The following TRPC7 variants were observed in gnomAD, a reference collection of about 807,000 sequenced individuals.
TRPC7 encodes the protein transient receptor potential cation channel subfamily C member 7.
TRPC7 carries 42 observed loss-of-function variants against 90.1 expected under a neutral mutation model. The ratio of observed to expected loss-of-function variants is 0.47; its 90% CI spans 0.36 to 0.60. The LOEUF (loss-of-function observed/expected upper bound fraction) is 0.60. TRPC7 is among the 20% of genes least tolerant of loss of function. The probability of loss-of-function intolerance (pLI) is 0.00; values close to 1 mark genes in which losing one functional copy is unlikely to be tolerated. For missense variants in TRPC7, 955 were observed against 1,112.3 expected, an observed-to-expected ratio of 0.86 and a Z score of 2.01; for synonymous variants, 451 against 436.3, an observed-to-expected ratio of 1.03 and a Z score of -0.42.
At chr5:136,216,333 G>A in intron 10 of TRPC7, 58 bp from the exon 11 acceptor site, 1 of 1,378,456 alleles carries the variant, frequency 7.3e-7, no homozygotes, top group Non-Finnish European at 1.0e-6. Flanking sequence ...GAGGCAGCCT[G>A]CGTGGTGTAG....
rs150178503 is a variant in TRPC7 at position 136,284,219 on chromosome 5, C to T, written c.964-9382G>A. On this transcript the variant is annotated intron_variant, in intron 3 of 11. Coordinates refer to ENST00000513104, the MANE Select transcript of TRPC7 (RefSeq NM_020389.3). ...GAGGATATGAATATTCAGCATTCAA[C>T]GGTAAGGTACCCTGGGCACTTGTGT... Among the ~76,000 whole-genome samples, 210 of 152,328 alleles carry T rather than the reference C, an allele frequency of 1.4e-3. 3 individuals carry two copies. Among genetic ancestry groups the T allele is most frequent in the African/African-American group, 4.5e-3 (188 of 41,578 alleles).
intron 5 of TRPC7, among the ~76,000 whole-genome samples, chr5:136,256,048 T>C (rs1160928664): frequency 1.3e-5 from 2 of 152,192 alleles, no homozygotes; most frequent in Non-Finnish European, 2.9e-5. Context: ...ACCTGTATAT[T>C]TAGAGGGATT....
intron 5 of TRPC7, among the ~76,000 whole-genome samples, chr5:136,255,578 T>C (rs945542110): frequency 2.0e-5 from 3 of 152,206 alleles, no homozygotes; most frequent in Admixed American, 2.0e-4. Context: ...AAACCAAAAA[T>C]TTCCTGGGAC....
At chr5:136,290,363 G>T (rs537299797) in intron 3 of TRPC7, among the ~76,000 whole-genome samples, 17 of 152,210 alleles carry the variant, frequency 1.1e-4, no homozygotes, top group African/African-American at 1.9e-4. Flanking sequence ...GAGGAAGTTC[G>T]AACCAATGGC....
At chr5:136,269,462 G>A (rs563728421) in intron 4 of TRPC7, among the ~76,000 whole-genome samples, 36 of 152,312 alleles carry the variant, frequency 2.4e-4, no homozygotes, top group African/African-American at 4.1e-4. Flanking sequence ...GCACCTAAGC[G>A]GTACCTGGAT....
At chr5:136,289,894 G>A (rs974819617) in intron 3 of TRPC7, among the ~76,000 whole-genome samples, 3 of 152,248 alleles carry the variant, frequency 2.0e-5, no homozygotes, top group East Asian at 1.9e-4. Context: ...GCACCCCCCA[G>A]TAGGGGTGGA....
chr5:136,243,013 C>T (rs1247230372), intron 7 of TRPC7, among the ~76,000 whole-genome samples: 3 of 152,082 alleles, frequency 2.0e-5, no homozygotes, highest in Non-Finnish European at 2.9e-5. Context: ...CGGAGGGAGG[C>T]GGTATGTGAT....
intron 2 of TRPC7, among the ~76,000 whole-genome samples, chr5:136,323,187 TCTC>T (rs1484373532): frequency 6.6e-6 from 1 of 152,212 alleles, no homozygotes; most frequent in Non-Finnish European, 1.5e-5. Context: ...CTCTCATTCT[TCTC>T]TTGTCTGCTG....
In TRPC7 at chr5:136,315,608, CA is replaced by C; in HGVS notation, c.951del (p.Tyr317Ter). The C allele has an allele frequency of 6.2e-7, 1 of 1,613,712 alleles. No homozygotes were observed. The highest frequency in any genetic ancestry group is 8.5e-7 in the Non-Finnish European group (1 of 1,179,778). On this transcript the variant is annotated frameshift_variant, in exon 3 of 12. Coordinates refer to ENST00000513104, the MANE Select transcript of TRPC7 (RefSeq NM_020389.3). LOFTEE classifies it high-confidence loss of function. ...SLSRIKLAIK[Y>X]EVKKFVAHPN... is the part of the protein sequence containing the mutation. ...ATGGGGGAGCTTACCTTCTTGACTT[CA>C]TATTTAATGGCGAGTTTGATCCGGC...
chr5:136,301,879 A>T (rs1758405534), intron 3 of TRPC7, among the ~76,000 whole-genome samples: 1 of 152,196 alleles, frequency 6.6e-6, no homozygotes, highest in African/African-American at 2.4e-5. Flanking sequence ...TTGGGAGATC[A>T]ATCCCCCGTC....
chr5:136,266,343 C>T lies in TRPC7; in HGVS notation c.1222G>A (p.Asp408Asn). 4.3e-6 allele frequency: 7 copies of T among 1,613,816 alleles called. No homozygotes were observed. Among genetic ancestry groups the T allele is most frequent in the Non-Finnish European group, 5.9e-6 (7 of 1,179,806 alleles). The change falls in exon 5 of 12, where the codon GAC (aspartate) becomes AAC (asparagine). Residue 408 changes from aspartate (D) to asparagine (N), a missense_variant. Transcript: ENST00000513104. ...AGGGTTTTAACACCTTCAAATCGGT[C>T]AGATGCATTCACAACTAATAATCCC... Reference protein sequence around the residue: ...FLGLLVVNASDRFEGVKTLPN... With the variant: ...FLGLLVVNASNRFEGVKTLPN...
chr5:136,231,809 C>T lies in TRPC7; in HGVS notation c.1845-260G>A, dbSNP rs184340954. On this transcript the variant is annotated intron_variant, in intron 7 of 11. Coordinates refer to ENST00000513104, the MANE Select transcript of TRPC7 (RefSeq NM_020389.3). ...TTGTAGGGATAGGATCCCACTATGTCGCCCAGGCTGGTCTTGAACTCCTGG... is the reference window on the plus strand; with the variant it reads ...TTGTAGGGATAGGATCCCACTATGTTGCCCAGGCTGGTCTTGAACTCCTGG... Among the ~76,000 whole-genome samples the T allele has an allele frequency of 2.4e-3, 372 of 152,264 alleles. 3 individuals are homozygous for T. The highest frequency in any genetic ancestry group is 9.9e-3 in the Admixed American group (151 of 15,290).
chr5:136,312,961 G>C (rs951321830), intron 3 of TRPC7, among the ~76,000 whole-genome samples: 1 of 142,772 alleles, frequency 7.0e-6, no homozygotes, highest in Non-Finnish European at 1.5e-5. Flanking sequence ...TTATCTATTA[G>C]AGTAGTGATT....
chr5:136,326,587 A>G (rs1759354154), intron 2 of TRPC7, among the ~76,000 whole-genome samples: 1 of 152,190 alleles, frequency 6.6e-6, no homozygotes, highest in African/African-American at 2.4e-5. Flanking sequence ...GAAGAGATGG[A>G]TTAGAAAAAC....
chr5:136,309,512 T>G (rs1021352775), intron 3 of TRPC7, among the ~76,000 whole-genome samples: 1 of 152,188 alleles, frequency 6.6e-6, no homozygotes, highest in Non-Finnish European at 1.5e-5. Context: ...TAATCATTAG[T>G]GCTAGCTGCC....
chr5:136,356,858 T>G lies in TRPC7; in HGVS notation c.530A>C (p.Tyr177Ser). 1 of 1,613,886 alleles carries G rather than the reference T, an allele frequency of 6.2e-7. No homozygotes were observed. Among genetic ancestry groups the G allele is most frequent in the Non-Finnish European group, 8.5e-7 (1 of 1,179,904 alleles). Residue 177 changes from tyrosine (Y) to serine (S), a missense_variant, in exon 2 of 12, where the codon TAT becomes TCT. Physicochemically the swap from Tyr to Ser is moderately radical, Grantham distance 144. Coordinates refer to ENST00000513104, the MANE Select transcript of TRPC7 (RefSeq NM_020389.3). The stretch of plus-strand genomic sequence containing the variant: ...GAGCAGCAGGATGTGCACGATCTCA[T>G]ACTCCTGGCAGTGCGCCGCCAGGAT... Reference protein sequence around the residue: ...PIILAAHCQEYEIVHILLLKG... With the variant: ...PIILAAHCQESEIVHILLLKG...
chr5:136,303,072 T>C (rs1240487766), intron 3 of TRPC7, among the ~76,000 whole-genome samples: 1 of 152,166 alleles, frequency 6.6e-6, no homozygotes, highest in Non-Finnish European at 1.5e-5. Flanking sequence ...GGCTTACAGT[T>C]TCATTCCGTG....
chr5:136,214,272 T>C (rs1797984792), intron 11 of TRPC7: 1 of 152,470 alleles, frequency 6.6e-6, no homozygotes, highest in African/African-American at 2.4e-5. Context: ...ACAGAGAACC[T>C]TGTGGTTAGA....
chr5:136,246,081 A>G (rs1207377871), intron 7 of TRPC7, among the ~76,000 whole-genome samples: 3 of 152,038 alleles, frequency 2.0e-5, no homozygotes, highest in Non-Finnish European at 4.4e-5. Context: ...GAGCTCCATC[A>G]CCACTTCCAC....
Sources: allele counts gnomAD v4.1 joint callset (sites outside exome capture counted in the v4.1 genomes callset), GRCh38; gene constraint gnomAD v4.1.1; transcripts MANE v1.5; gene names NCBI Gene and HGNC (gene_info 2026-07-23, HGNC 2026-07-21).